The following ARHGAP26 variants were observed in gnomAD, a reference collection of about 807,000 sequenced individuals.
ARHGAP26 encodes the protein rho GTPase-activating protein 26.
A neutral mutation model predicts 104.8 loss-of-function variants in ARHGAP26; 38 were observed. The ratio of observed to expected loss-of-function variants is 0.36; its 90% CI spans 0.28 to 0.48. The LOEUF is 0.48. Among genes scored for constraint, ARHGAP26 ranks in the 20% least tolerant of loss-of-function variants. The pLI is 0.99. For synonymous variants in ARHGAP26, 341 were observed against 340.0 expected (o/e 1.00, Z -0.03); for missense variants, 704 against 947.9 (o/e 0.74, Z 3.38).
At chr5:142,776,599 A>G (rs2151820240) in intron 1 of ARHGAP26, among the ~76,000 whole-genome samples, 1 of 152,326 alleles carries the variant, frequency 6.6e-6, no homozygotes, top group Admixed American at 6.5e-5. Flanking sequence ...ATTGCTAGAA[A>G]ATATTCCATT....
rs375195569 is a variant in ARHGAP26, at chr5:142,881,546, T to C, written c.384+2101T>C. Among the ~76,000 whole-genome samples the C allele has an allele frequency of 4.6e-5, 7 of 152,302 alleles. No homozygotes were observed. The East Asian group carries it at 1.2e-3, about 25-fold the overall frequency. Reference sequence around the variant, plus strand: ...TATTCATTAAACCATGAATAATTATTGATTATTAAATAACTTTTGGATGAT... The same window carrying C: ...TATTCATTAAACCATGAATAATTATCGATTATTAAATAACTTTTGGATGAT... On this transcript the variant is annotated intron_variant, in intron 4 of 22. Coordinates refer to ENST00000645722, the MANE Select transcript of ARHGAP26 (RefSeq NM_001135608.3).
At chr5:142,877,615 C>T (rs1283500014) in intron 3 of ARHGAP26, among the ~76,000 whole-genome samples, 3 of 152,174 alleles carry the variant, frequency 2.0e-5, no homozygotes, top group Non-Finnish European at 4.4e-5. Flanking sequence ...TATGGCTGGG[C>T]GAAGGACTTG....
At chr5:142,928,568 GCCATGGCATTGT>G (rs1204127386) in intron 10 of ARHGAP26, among the ~76,000 whole-genome samples, 1 of 152,156 alleles carries the variant, frequency 6.6e-6, no homozygotes, top group Admixed American at 6.5e-5. Context: ...CATCACATTT[GCCATGGCATTGT>G]GCACAAGAGT....
intron 14 of ARHGAP26, among the ~76,000 whole-genome samples, chr5:143,043,972 T>C (rs1473851406): frequency 6.6e-6 from 1 of 152,210 alleles, no homozygotes; most frequent in African/African-American, 2.4e-5. Flanking sequence ...TATTTTAATA[T>C]TTCTGAAAGA....
At chr5:142,966,876 C>G (rs1771448196) in intron 11 of ARHGAP26, among the ~76,000 whole-genome samples, 1 of 152,050 alleles carries the variant, frequency 6.6e-6, no homozygotes, top group Non-Finnish European at 1.5e-5. Flanking sequence ...GTATGACAAC[C>G]CTCTGAATGC....
At chr5:143,031,671 A>G (rs1781898805) in intron 12 of ARHGAP26, among the ~76,000 whole-genome samples, 1 of 151,302 alleles carries the variant, frequency 6.6e-6, no homozygotes, top group Non-Finnish European at 1.5e-5. Context: ...ATGGTTGTAT[A>G]GCAGTGGCAG....
At position 142,964,048 on chromosome 5, in the gene ARHGAP26, A is replaced by G. The variant is rs1157981010; in HGVS notation, c.1107+31923A>G. Among the ~76,000 whole-genome samples the G allele has an allele frequency of 2.6e-5, 4 of 152,362 alleles. No individual in the cohort carries two copies. The East Asian group carries it at 7.7e-4, about 29-fold the overall frequency. ...GCAAAGCTGAAATTATGGTATTTTGATGGACTTAGTGTCTAGTTTTAAATG... is the reference window on the plus strand; with the variant it reads ...GCAAAGCTGAAATTATGGTATTTTGGTGGACTTAGTGTCTAGTTTTAAATG... On this transcript the variant is annotated intron_variant, in intron 11 of 22. Transcript: ENST00000645722.
intron 11 of ARHGAP26, among the ~76,000 whole-genome samples, chr5:142,985,383 A>C (rs1249144212): frequency 6.6e-6 from 1 of 152,234 alleles, no homozygotes; most frequent in Non-Finnish European, 1.5e-5. Context: ...TAAAGTCTAC[A>C]GTATTGTGCA....
At chr5:142,786,149 T>A (rs1036545612) in intron 1 of ARHGAP26, among the ~76,000 whole-genome samples, 1 of 89,498 alleles carries the variant, frequency 1.1e-5, no homozygotes, top group African/African-American at 1.4e-4. Flanking sequence ...TAAAAAACAT[T>A]TTTTTTTTTT....
At chr5:143,141,775 C>T (rs1798565983) in intron 19 of ARHGAP26, among the ~76,000 whole-genome samples, 1 of 152,160 alleles carries the variant, frequency 6.6e-6, no homozygotes, top group Admixed American at 6.5e-5. Context: ...AATACAGTGT[C>T]CATTTAACTC....
At chr5:142,975,050 C>T (rs951696722) in intron 11 of ARHGAP26, among the ~76,000 whole-genome samples, 1 of 152,176 alleles carries the variant, frequency 6.6e-6, no homozygotes, top group Non-Finnish European at 1.5e-5. Context: ...CAACTTCAAT[C>T]GTTTCAAATC....
intron 20 of ARHGAP26, among the ~76,000 whole-genome samples, chr5:143,154,712 C>T (rs1029608004): frequency 4.6e-5 from 7 of 152,284 alleles, no homozygotes; most frequent in African/African-American, 7.2e-5. Context: ...AGGGTAGACA[C>T]GCCACACCCT....
At chr5:142,998,331 G>C (rs1776709577) in intron 11 of ARHGAP26, among the ~76,000 whole-genome samples, 1 of 152,162 alleles carries the variant, frequency 6.6e-6, no homozygotes, top group African/African-American at 2.4e-5. Context: ...AAGGACACAG[G>C]TGGTCAGCTA....
chr5:143,222,739 C>T lies in ARHGAP26; in HGVS notation c.*293C>T. 1 of 280,988 alleles carries T rather than the reference C, an allele frequency of 3.6e-6. No homozygotes were observed. The highest frequency in any genetic ancestry group is 6.7e-6 in the Non-Finnish European group (1 of 150,162). 17.4% of individuals were successfully genotyped at this position (280,988 alleles called of 1,614,324 possible). On this transcript the variant is annotated 3_prime_UTR_variant, in exon 23 of 23. Coordinates refer to ENST00000645722, the MANE Select transcript of ARHGAP26 (RefSeq NM_001135608.3). ...ATGAGTACCCTGAATAGGGGGCACTCATTTTGTTTCAACGGTCCAAACGCC... is the reference window on the plus strand; with the variant it reads ...ATGAGTACCCTGAATAGGGGGCACTTATTTTGTTTCAACGGTCCAAACGCC...
At chr5:143,080,127 A>G (rs981768207) in intron 17 of ARHGAP26, among the ~76,000 whole-genome samples, 1 of 152,206 alleles carries the variant, frequency 6.6e-6, no homozygotes, top group Admixed American at 6.5e-5. Flanking sequence ...TAGGACTGCT[A>G]GGAGCCTTTC....
chr5:143,064,268 G>C (rs75183439), intron 17 of ARHGAP26, among the ~76,000 whole-genome samples: 2 of 151,966 alleles, frequency 1.3e-5, no homozygotes, highest in African/African-American at 4.8e-5. Flanking sequence ...CTGCCTGGCC[G>C]TGTTGTAGGC....
intron 8 of ARHGAP26, among the ~76,000 whole-genome samples, chr5:142,905,377 A>T (rs1244968042): frequency 6.8e-6 from 1 of 146,564 alleles, no homozygotes; most frequent in Non-Finnish European, 1.5e-5. Context: ...AGAGCACATG[A>T]TGGGGATACA....
At chr5:143,118,986 C>T (rs1250637957) in intron 17 of ARHGAP26, among the ~76,000 whole-genome samples, 1 of 151,220 alleles carries the variant, frequency 6.6e-6, no homozygotes, top group African/African-American at 2.4e-5. Flanking sequence ...GTGGGGCCCA[C>T]TACAGGTTTA....
Position 143,067,033 on chromosome 5 carries a change from G to T in ARHGAP26, c.1538+9286G>T, listed in dbSNP as rs796157048. ...GGTTACCTCCCCCTCCCCCTCCTCTGCCCCTCCCCCTCCCGCTTCTGCTTC... is the reference window on the plus strand; with the variant it reads ...GGTTACCTCCCCCTCCCCCTCCTCTTCCCCTCCCCCTCCCGCTTCTGCTTC... On this transcript the variant is annotated intron_variant, in intron 17 of 22. Coordinates refer to ENST00000645722, the MANE Select transcript of ARHGAP26 (RefSeq NM_001135608.3). Among the ~76,000 whole-genome samples, 361 of 150,246 alleles carry T rather than the reference G, an allele frequency of 2.4e-3. 1 individual carries two copies. The highest frequency in any genetic ancestry group is 8.6e-3 in the African/African-American group (350 of 40,914).
Sources: allele counts gnomAD v4.1 joint callset (sites outside exome capture counted in the v4.1 genomes callset), GRCh38; gene constraint gnomAD v4.1.1; transcripts MANE v1.5; gene names NCBI Gene and HGNC (gene_info 2026-07-23, HGNC 2026-07-21).